TIMELESS: variants seen among roughly 807,000 people sequenced by gnomAD.
TIMELESS encodes the protein timeless circadian regulator, also known as protein timeless homolog.
TIMELESS carries 124 observed loss-of-function variants against 164.3 expected under a neutral mutation model. The ratio of observed to expected loss-of-function variants is 0.75; its 90% CI spans 0.65 to 0.88. TIMELESS has a LOEUF of 0.88. Among genes scored for constraint, TIMELESS ranks in the 40% least tolerant of loss-of-function variants. The probability of loss-of-function intolerance (pLI) is 0.00; values close to 1 mark genes in which losing one functional copy is unlikely to be tolerated. For synonymous variants in TIMELESS, 564 were observed against 563.4 expected (o/e 1.00, Z -0.02); for missense variants, 1,422 against 1,491.4 (o/e 0.95, Z 0.77).
intron 1 of TIMELESS, among the ~76,000 whole-genome samples, chr12:56,447,478 T>C (rs1321197822): frequency 1.3e-5 from 2 of 152,066 alleles, no homozygotes; most frequent in African/African-American, 4.8e-5. Context: ...AGCTAAAGAT[T>C]TGGAGGCATC....
chr12:56,417,697 C>A lies in TIMELESS; in HGVS notation c.*19G>T. 6.2e-7 allele frequency: 1 copy of A among 1,613,964 alleles called. No homozygotes were observed. Among genetic ancestry groups the A allele is most frequent in the Non-Finnish European group, 8.5e-7 (1 of 1,179,872 alleles). ...CATCTAAAAACGTGTCTATCTCTACCCCTAGGCTTCTTAGCTCTTCAGTCA... is the reference window on the plus strand; with the variant it reads ...CATCTAAAAACGTGTCTATCTCTACACCTAGGCTTCTTAGCTCTTCAGTCA... On this transcript the variant is annotated 3_prime_UTR_variant, in exon 29 of 29. Coordinates refer to ENST00000553532, the MANE Select transcript of TIMELESS (RefSeq NM_003920.5).
chr12:56,420,482 G>T, intron 26 of TIMELESS, 87 bp downstream of exon 26: 1 of 1,093,492 alleles, frequency 9.1e-7, no homozygotes, highest in Non-Finnish European at 1.4e-6. Flanking sequence ...GGATAAGGAG[G>T]ACCACCATGA....
chr12:56,428,855 C>G (rs778714441), intron 11 of TIMELESS, 28 bp downstream of exon 11: 47 of 1,607,590 alleles, frequency 2.9e-5, no homozygotes, highest in Non-Finnish European at 1.5e-5. Flanking sequence ...CCCTAGCTCA[C>G]TGTATCTCCA....
chr12:56,437,761 AAG>A (rs1882119229), intron 1 of TIMELESS, among the ~76,000 whole-genome samples: 1 of 152,184 alleles, frequency 6.6e-6, no homozygotes, highest in African/African-American at 2.4e-5. Context: ...ATATGCATCA[AAG>A]AGAAAAAGTG....
At chr12:56,439,391 C>CTT (rs67588306) in intron 1 of TIMELESS, among the ~76,000 whole-genome samples, 3 of 136,416 alleles carry the variant, frequency 2.2e-5, no homozygotes, top group Non-Finnish European at 4.7e-5. Context: ...CAGGGGTTTT[C>CTT]TTTTTTTTTT....
intron 26 of TIMELESS, 85 bp from the exon 27 acceptor site, chr12:56,418,444 T>G: frequency 1.0e-6 from 1 of 952,954 alleles, no homozygotes; most frequent in Non-Finnish European, 1.6e-6. Context: ...TATGACCCAA[T>G]ATTGGTGAAG....
In TIMELESS at chr12:56,422,005, C is replaced by A; in HGVS notation, c.2536G>T (p.Val846Leu). 6 of 1,614,176 alleles carry A rather than the reference C, an allele frequency of 3.7e-6. No homozygotes were observed. The highest frequency in any genetic ancestry group is 5.1e-6 in the Non-Finnish European group (6 of 1,180,026). ...TTCAGGTGGGCCAAGATGGCTTCCA[C>A]CACATCCTGCCCTGGCGTGGGGAAG... ...ANKDVEGQDV[V>L]EAILAHLNTV... The change falls in exon 21 of 29, where the codon GTG becomes TTG. Residue 846 changes from valine (V) to leucine (L), a missense_variant. Coordinates refer to ENST00000553532, the MANE Select transcript of TIMELESS (RefSeq NM_003920.5).
chr12:56,428,255 C>G lies in TIMELESS; in HGVS notation c.1559G>C (p.Arg520Pro). 1 of 1,604,452 alleles carries G rather than the reference C, an allele frequency of 6.2e-7. No individual in the cohort carries two copies. The highest frequency in any genetic ancestry group is 8.5e-7 in the Non-Finnish European group (1 of 1,173,510). The change falls in exon 13 of 29, where the codon CGT (arginine) becomes CCT (proline). Residue 520 changes from arginine (R) to proline (P), a missense_variant. Arg to Pro is a moderately radical substitution (Grantham distance 103, BLOSUM62 -2). Transcript: ENST00000553532. ...CAGTACCTGCACCACCAGGTTCCCACGGCTCCGACAGAATCGCTCCAACAT... is the reference window on the plus strand; with the variant it reads ...CAGTACCTGCACCACCAGGTTCCCAGGGCTCCGACAGAATCGCTCCAACAT... ...LKMLERFCRS[R>P]GNLVVQNKQK...
At chr12:56,442,785 C>T (rs1483186868) in intron 1 of TIMELESS, among the ~76,000 whole-genome samples, 1 of 152,202 alleles carries the variant, frequency 6.6e-6, no homozygotes, top group Non-Finnish European at 1.5e-5. Flanking sequence ...GAAGCCACAG[C>T]AGAAGAACAT....
rs1032236346 is a variant in TIMELESS, at chr12:56,428,333, T to C, written c.1481A>G (p.Gln494Arg). 4 of 1,613,638 alleles carry C rather than the reference T, an allele frequency of 2.5e-6. No homozygotes were observed. Among genetic ancestry groups the C allele is most frequent in the Non-Finnish European group, 2.5e-6 (3 of 1,179,646 alleles). The change falls in exon 13 of 29, where the codon CAG becomes CGG. Residue 494 changes from glutamine (Q) to arginine (R), a missense_variant. By Grantham distance (43) the Gln-to-Arg change is conservative (BLOSUM62 1). Transcript: ENST00000553532. ...CAGGTCACGAAGGAAAGAGCGGGGC[T>C]GGCATCTCTCATCAAACTTTCGAAA... is the stretch of plus-strand genomic sequence containing the variant. ...ALFRKFDERC[Q>R]PRSFLRDLVE...
In TIMELESS at chr12:56,417,915, C is replaced by T; in HGVS notation, c.3548G>A (p.Arg1183Lys). 1.2e-6 allele frequency: 2 copies of T among 1,614,188 alleles called. No individual in the cohort carries two copies. Among genetic ancestry groups the T allele is most frequent in the South Asian group, 2.2e-5 (2 of 91,084 alleles). ...CCCATCAAATTCCCTACCTCTGTTCCTGCCCTCATCTTCTTCCTGTTCCTC... is the reference window on the plus strand; with the variant it reads ...CCCATCAAATTCCCTACCTCTGTTCTTGCCCTCATCTTCTTCCTGTTCCTC... The part of the protein sequence containing the change: ...SDEEQEEDEG[R>K]NRAPELGAPG... The change falls in exon 28 of 29, where the codon AGG becomes AAG. Residue 1183 changes from arginine (R) to lysine (K), a missense_variant. Transcript: ENST00000553532.
At chr12:56,432,289 A>G (rs2136144150) in intron 7 of TIMELESS, 80 bp downstream of exon 7, 2 of 1,506,666 alleles carry the variant, frequency 1.3e-6, no homozygotes, top group Non-Finnish European at 1.8e-6. Context: ...TAATGCAGCC[A>G]TTATCACAAG....
At chr12:56,445,827 T>A (rs1275931422) in intron 1 of TIMELESS, among the ~76,000 whole-genome samples, 1 of 152,198 alleles carries the variant, frequency 6.6e-6, no homozygotes, top group Non-Finnish European at 1.5e-5. Flanking sequence ...TCTATCCCAA[T>A]TGCTACTGCC....
chr12:56,434,023 C>A (rs1472165106), intron 2 of TIMELESS, 51 bp downstream of exon 2: 1 of 1,610,788 alleles, frequency 6.2e-7, no homozygotes, highest in East Asian at 2.2e-5. Flanking sequence ...ATTCAACAGA[C>A]CTCCTTAATT....
Position 56,424,749 on chromosome 12 carries a change from G to A in TIMELESS, c.1868+13C>T. ...CCCCAAAGCCCAAGAGGATGAGCAG[G>A]CAGGGTTCTTACCGAGCAGACCTCA... On this transcript the variant is annotated intron_variant, in intron 15 of 28. Transcript: ENST00000553532. 1 of 1,612,008 alleles carries A rather than the reference G, an allele frequency of 6.2e-7. No individual in the cohort carries two copies. Among genetic ancestry groups the A allele is most frequent in the Non-Finnish European group, 8.5e-7 (1 of 1,178,766 alleles).
In TIMELESS at chr12:56,434,167, C is replaced by G. The variant is rs760239538; in HGVS notation, c.4G>C (p.Asp2His). The change falls in exon 2 of 29, where the codon GAC becomes CAC. Residue 2 changes from aspartate (D) to histidine (H), a missense_variant. Asp to His is a moderately conservative substitution (Grantham distance 81, BLOSUM62 -1). Coordinates refer to ENST00000553532, the MANE Select transcript of TIMELESS (RefSeq NM_003920.5). Reference protein sequence around the residue: MDLHMMNCELLA... With the variant: MHLHMMNCELLA... ...AGTTCACAGTTCATCATGTGCAAGT[C>G]CATACATCAGTGGACCAACCAACAG... The G allele has an allele frequency of 6.2e-7, 1 of 1,613,918 alleles. No individual in the cohort carries two copies. Among genetic ancestry groups the G allele is most frequent in the East Asian group, 2.2e-5 (1 of 44,878 alleles).
chr12:56,424,722 T>C (rs1881614744), intron 15 of TIMELESS, 40 bp downstream of exon 15: 3 of 1,600,672 alleles, frequency 1.9e-6, no homozygotes, highest in South Asian at 1.1e-5. Flanking sequence ...GCCTCCTCCT[T>C]CCCCCAAAGC....
chr12:56,443,102 A>G lies in TIMELESS; in HGVS notation c.-62+6208T>C, dbSNP rs570903653. ...GGGCACCCTGAGAAAGAACAGAACA[A>G]CAGCGATTTTCAGGGAACAAGGAAA... On this transcript the variant is annotated intron_variant, in intron 1 of 28. Transcript: ENST00000553532. Among the ~76,000 whole-genome samples the G allele has an allele frequency of 5.3e-5, 8 of 152,272 alleles. 1 individual carries two copies. In the South Asian group the frequency reaches 1.7e-3, roughly 32 times the overall value.
chr12:56,439,959 C>A (rs1868252187), intron 1 of TIMELESS, among the ~76,000 whole-genome samples: 1 of 152,036 alleles, frequency 6.6e-6, no homozygotes, highest in African/African-American at 2.4e-5. Flanking sequence ...CACCACAGAG[C>A]CAATGGAACT....
Sources: gnomAD v4.1 joint callset for allele counts (sites outside exome capture counted in the v4.1 genomes callset) on GRCh38, gnomAD v4.1.1 for gene constraint, MANE v1.5 for transcripts, NCBI Gene and HGNC (gene_info 2026-07-23, HGNC 2026-07-21) for gene names.